Variants in NAV3 observed in about 807,000 individuals in gnomAD.
NAV3 encodes pore membrane and/or filament interacting like protein 1.
NAV3 carries 87 observed loss-of-function variants against 244.7 expected under a neutral mutation model. The ratio of observed to expected loss-of-function variants is 0.36; its 90% CI spans 0.30 to 0.42. NAV3 has a LOEUF of 0.42. Ranked by LOEUF, NAV3 falls within the 20% of genes least tolerant of loss-of-function variation. NAV3 has a pLI of 1.00. For synonymous variants in NAV3, 1,126 were observed against 1,042.2 expected (o/e 1.08, Z -1.55); for missense variants, 2,663 against 2,893.3 (o/e 0.92, Z 1.83).
intron 2 of NAV3, among the ~76,000 whole-genome samples, chr12:77,769,608 A>G (rs1869967551): frequency 6.6e-6 from 1 of 152,254 alleles, no homozygotes; most frequent in South Asian, 2.1e-4. Flanking sequence ...AAGTTGTTAC[A>G]GACTTATAAA....
chr12:77,766,063 T>C (rs1869735505), intron 2 of NAV3, among the ~76,000 whole-genome samples: 1 of 151,928 alleles, frequency 6.6e-6, no homozygotes, highest in South Asian at 2.1e-4. Context: ...CAAGAGGAGA[T>C]ATTGAATGGT....
intron 2 of NAV3, among the ~76,000 whole-genome samples, chr12:77,708,275 T>C (rs951610678): frequency 6.6e-6 from 1 of 152,246 alleles, no homozygotes; most frequent in Non-Finnish European, 1.5e-5. Flanking sequence ...TTTCTACATA[T>C]GGCTAGCCAG....
intron 1 of NAV3, among the ~76,000 whole-genome samples, chr12:77,935,661 G>T (rs996990097): frequency 6.6e-6 from 1 of 152,116 alleles, no homozygotes; most frequent in African/African-American, 2.4e-5. Flanking sequence ...GTATTAGTCT[G>T]TTTTCACACT....
chr12:78,137,150 A>G (rs774179736), intron 18 of NAV3, 27 bp from the exon 19 acceptor site: 3 of 1,592,956 alleles, frequency 1.9e-6, no homozygotes, highest in Non-Finnish European at 2.6e-6. Context: ...CTTAAGAGTA[A>G]TAGGCTCTGT....
At chr12:78,179,292 C>T in intron 28 of NAV3, 1 of 408,330 alleles carries the variant, frequency 2.4e-6, no homozygotes, top group African/African-American at 2.1e-5. Flanking sequence ...TAAGAGTAGA[C>T]TATTTTTAAA....
chr12:77,631,655 A>G (rs1871905461), intron 2 of NAV3, among the ~76,000 whole-genome samples: 1 of 152,162 alleles, frequency 6.6e-6, no homozygotes, highest in African/African-American at 2.4e-5. Flanking sequence ...TAATATTGAC[A>G]TTGACATTCT....
At chr12:78,103,667 T>C (rs907597210) in intron 12 of NAV3, among the ~76,000 whole-genome samples, 4 of 152,048 alleles carry the variant, frequency 2.6e-5, no homozygotes, top group African/African-American at 9.7e-5. Flanking sequence ...GGCTTCACAA[T>C]CATGGCAGGA....
At chr12:77,801,704 A>G in intron 2 of NAV3, among the ~76,000 whole-genome samples, 1 of 152,184 alleles carries the variant, frequency 6.6e-6, no homozygotes, top group East Asian at 1.9e-4. Context: ...GTTCCAATAC[A>G]GAAGCCTGAA....
chr12:77,879,635 C>T (rs754963043), intron 1 of NAV3, among the ~76,000 whole-genome samples: 1 of 131,580 alleles, frequency 7.6e-6, no homozygotes, highest in Non-Finnish European at 1.5e-5. Flanking sequence ...GAGCCAAGAT[C>T]GAGCCACTTC....
chr12:77,827,260 A>AAAAAAAAAAAAAAAAC (rs1474559232), upstream of NAV3, among the ~76,000 whole-genome samples: 1 of 134,292 alleles, frequency 7.4e-6, no homozygotes. Context: ...AAAAAAAAAA[A>AAAAAAAAAAAAAAAAC]AGTAATGTGG....
At chr12:78,146,342 A>G (rs770360143) in intron 20 of NAV3, 27 bp from the exon 21 acceptor site, 6 of 1,025,852 alleles carry the variant, frequency 5.8e-6, no homozygotes, top group African/African-American at 3.2e-5. Flanking sequence ...TTTTATAGTT[A>G]AAGTCTTTCT....
intron 2 of NAV3, among the ~76,000 whole-genome samples, chr12:77,672,221 A>G (rs956864984): frequency 6.6e-6 from 1 of 152,106 alleles, no homozygotes. Context: ...AAGCATGGTC[A>G]TAAGCAAAAA....
chr12:78,150,631 T>TCACACACACACACACA (rs34534100), intron 22 of NAV3, among the ~76,000 whole-genome samples: 3 of 144,228 alleles, frequency 2.1e-5, no homozygotes, highest in Non-Finnish European at 3.0e-5. Context: ...AAAAGCTTCC[T>TCACACACACACACACA]CACACACACA....
intron 2 of NAV3, among the ~76,000 whole-genome samples, chr12:77,784,668 A>T (rs1870823573): frequency 6.6e-6 from 1 of 152,174 alleles, no homozygotes; most frequent in South Asian, 2.1e-4. Context: ...GGATCAGATT[A>T]TACCCTCATT....
At chr12:78,001,344 T>G (rs1873266285) in intron 7 of NAV3, among the ~76,000 whole-genome samples, 2 of 152,252 alleles carry the variant, frequency 1.3e-5, no homozygotes, top group Admixed American at 6.5e-5. Flanking sequence ...ATCTGTAATG[T>G]GTTCCTCGAA....
chr12:77,857,199 ATC>A (rs965570700), intron 1 of NAV3, among the ~76,000 whole-genome samples: 22 of 152,138 alleles, frequency 1.4e-4, no homozygotes, highest in African/African-American at 5.3e-4. Flanking sequence ...ATGTTACTTA[ATC>A]TCTCTGAGCT....
chr12:77,961,060 T>TATATGTATATATGTATATGTTACAC (rs1891894685), intron 3 of NAV3, among the ~76,000 whole-genome samples: 1 of 146,322 alleles, frequency 6.8e-6, no homozygotes, highest in African/African-American at 2.5e-5. Flanking sequence ...ATATGTTGCA[T>TATATGTATATATGTATATGTTACAC]GTATACGCAT....
At chr12:78,037,944 T>G (rs1302623658) in intron 9 of NAV3, among the ~76,000 whole-genome samples, 2 of 152,230 alleles carry the variant, frequency 1.3e-5, no homozygotes, top group Admixed American at 6.5e-5. Flanking sequence ...CTACCTTTTT[T>G]CTTTTCTCTT....
At chr12:78,057,824 A>G (rs1377934319) in intron 11 of NAV3, among the ~76,000 whole-genome samples, 1 of 152,154 alleles carries the variant, frequency 6.6e-6, no homozygotes, top group Non-Finnish European at 1.5e-5. Flanking sequence ...TCTGGTCTAC[A>G]CTCAACCATC....
Sources: gnomAD v4.1 joint callset for allele counts (sites outside exome capture counted in the v4.1 genomes callset) on GRCh38, gnomAD v4.1.1 for gene constraint, MANE v1.5 for transcripts, NCBI Gene and HGNC (gene_info 2026-07-23, HGNC 2026-07-21) for gene names.